Variants in LIMD1 observed in about 807,000 individuals in gnomAD.
LIMD1 encodes LIM domain-containing protein 1.
Under a neutral mutation model 58.4 loss-of-function variants are expected in LIMD1, and 23 were observed. The observed-to-expected ratio is 0.39, with a 90% CI of 0.28 to 0.56. The LOEUF is 0.56. LIMD1 is among the 20% of genes least tolerant of loss of function. The pLI, the probability that LIMD1 is intolerant of heterozygous loss-of-function variation, is 0.57. For missense variants in LIMD1, 838 were observed against 855.5 expected (o/e 0.98, Z 0.25); for synonymous variants, 334 against 345.5 (o/e 0.97, Z 0.37).
rs1162664231 is a variant in LIMD1 at position 45,680,698 on chromosome 3, A to G, written c.*3639A>G. The G allele has an allele frequency of 6.6e-6, 1 of 152,182 alleles. No homozygotes were observed. The highest frequency in any genetic ancestry group is 1.5e-5 in the Non-Finnish European group (1 of 68,048). 9.4% of individuals were successfully genotyped at this position (152,182 alleles called of 1,614,324 possible). On this transcript the variant is annotated 3_prime_UTR_variant, in exon 8 of 8. Transcript: ENST00000273317. Reference sequence around the variant, plus strand: ...TGAAGTAACTTTTAAAGGTAATAGAAAAGGCCAGGCACAGTGGCTCATGCC... The same window carrying G: ...TGAAGTAACTTTTAAAGGTAATAGAGAAGGCCAGGCACAGTGGCTCATGCC...
At position 45,678,976 on chromosome 3, in the gene LIMD1, A is replaced by C. The variant is rs542938997; in HGVS notation, c.*1917A>C. The C allele has an allele frequency of 6.6e-6, 1 of 152,248 alleles. No individual in the cohort carries two copies. The highest frequency in any genetic ancestry group is 2.4e-5 in the African/African-American group (1 of 41,520). 9.4% of individuals were successfully genotyped at this position (152,248 alleles called of 1,614,324 possible). ...GCTGGGGCTGGGGAAGTGAACCCTGAGGTGGGGACCCTCTCTTCCCATCAA... is the reference window on the plus strand; with the variant it reads ...GCTGGGGCTGGGGAAGTGAACCCTGCGGTGGGGACCCTCTCTTCCCATCAA... On this transcript the variant is annotated 3_prime_UTR_variant, in exon 8 of 8. Coordinates refer to ENST00000273317, the MANE Select transcript of LIMD1 (RefSeq NM_014240.3).
intron 1 of LIMD1, among the ~76,000 whole-genome samples, chr3:45,602,344 C>G (rs1038228987): frequency 6.6e-6 from 1 of 152,122 alleles, no homozygotes; most frequent in Non-Finnish European, 1.5e-5. Context: ...TAAAGCTAAC[C>G]AGGAGAGAGC....
intron 2 of LIMD1, among the ~76,000 whole-genome samples, chr3:45,654,871 A>G (rs1702012445): frequency 6.6e-6 from 1 of 151,414 alleles, no homozygotes; most frequent in African/African-American, 2.4e-5. Context: ...ATCTACAGGA[A>G]GTGTCTTTTT....
At chr3:45,635,732 C>CAAAA (rs71095045) in intron 1 of LIMD1, among the ~76,000 whole-genome samples, 2,113 of 73,530 alleles carry the variant, frequency 0.029, 127 homozygotes, top group Middle Eastern at 0.056. Flanking sequence ...ATCCCCGTCT[C>CAAAA]AAAAAAAAAA....
chr3:45,648,954 A>G (rs79860715), intron 2 of LIMD1, among the ~76,000 whole-genome samples: 4,610 of 152,172 alleles, frequency 0.03, 76 homozygotes, highest in Non-Finnish European at 0.041. Context: ...CGTTCTTTGT[A>G]TAGGATTTGG....
intron 1 of LIMD1, among the ~76,000 whole-genome samples, chr3:45,596,859 G>C (rs1360784053): frequency 7.0e-6 from 1 of 142,128 alleles, no homozygotes; most frequent in Non-Finnish European, 1.5e-5. Flanking sequence ...GTAGAGCAGT[G>C]GATCTTTTTT....
chr3:45,600,680 G>A (rs1701403216), intron 1 of LIMD1, among the ~76,000 whole-genome samples: 1 of 152,146 alleles, frequency 6.6e-6, no homozygotes, highest in South Asian at 2.1e-4. Context: ...GGGTGCAGAG[G>A]GCACCGTGCC....
At chr3:45,640,047 CT>C (rs1701826551) in intron 2 of LIMD1, among the ~76,000 whole-genome samples, 1 of 152,256 alleles carries the variant, frequency 6.6e-6, no homozygotes, top group African/African-American at 2.4e-5. Flanking sequence ...CCACCCAAGG[CT>C]GCTAGAGTGG....
chr3:45,632,686 C>A, intron 1 of LIMD1: 3 of 295,086 alleles, frequency 1.0e-5, no homozygotes, highest in South Asian at 1.3e-4. Context: ...ACTTGCAATT[C>A]ACTAGGAGAG....
At chr3:45,600,811 C>A (rs1035753223) in intron 1 of LIMD1, among the ~76,000 whole-genome samples, 4 of 152,170 alleles carry the variant, frequency 2.6e-5, no homozygotes, top group African/African-American at 9.7e-5. Flanking sequence ...CACCTGTGAT[C>A]CCAGCGACTC....
rs1165098997 is a variant in LIMD1 at position 45,684,235 on chromosome 3, G to A, written c.*7176G>A. ...GCAGCCTCAGGGACTGCCACCACTT[G>A]GTCACATACATGTCCCTCCAACTAA... On this transcript the variant is annotated 3_prime_UTR_variant, in exon 8 of 8. Transcript: ENST00000273317. 7.2e-5 allele frequency: 11 copies of A among 152,204 alleles called. No individual in the cohort carries two copies. The highest frequency in any genetic ancestry group is 2.7e-4 in the African/African-American group (11 of 41,442). 9.4% of individuals were successfully genotyped at this position (152,204 alleles called of 1,614,324 possible).
chr3:45,610,783 C>T (rs267210), intron 1 of LIMD1, among the ~76,000 whole-genome samples: 34,150 of 152,064 alleles, frequency 0.22, 4,095 homozygotes, highest in East Asian at 0.36. Context: ...AGACTGGCCA[C>T]GTGCAACTGT....
chr3:45,674,128 A>G (rs1697634263), intron 6 of LIMD1, among the ~76,000 whole-genome samples: 1 of 152,102 alleles, frequency 6.6e-6, no homozygotes, highest in African/African-American at 2.4e-5. Context: ...TAACTCTGAC[A>G]TTCTAGAAGG....
At position 45,685,647 on chromosome 3, in the gene LIMD1, T is replaced by C. The variant is rs1697800835; in HGVS notation, c.*8588T>C. 6.6e-6 allele frequency: 1 copy of C among 152,186 alleles called. No individual in the cohort carries two copies. Among genetic ancestry groups the C allele is most frequent in the Non-Finnish European group, 1.5e-5 (1 of 68,054 alleles). The allele number at this position is 152,186 out of a possible 1,614,324, so 9.4% of individuals were successfully genotyped here. A position where few individuals can be genotyped will look rare whatever the true frequency, so the allele number is the denominator to read the frequency against. ...AGGGAATTGTCCTTGAACCTACTCA[T>C]GCGGTGTCTTCTGGGGTACAGTGAG... On this transcript the variant is annotated 3_prime_UTR_variant, in exon 8 of 8. Coordinates refer to ENST00000273317, the MANE Select transcript of LIMD1 (RefSeq NM_014240.3).
intron 2 of LIMD1, among the ~76,000 whole-genome samples, chr3:45,648,002 C>G (rs1028873989): frequency 1.3e-5 from 2 of 151,824 alleles, no homozygotes; most frequent in African/African-American, 4.8e-5. Context: ...TCTTGGGTCC[C>G]ATGTGCACCC....
chr3:45,595,554 T>C lies in LIMD1; in HGVS notation c.675T>C (p.His225=), dbSNP rs1336564101. ...CACTGCCCAAACCCTGCGGGGACCA[T>C]CCCCTAAATCACCGACAGCTCTCCC... The part of the protein sequence containing the change: ...DPPLPKPCGD[H]PLNHRQLSLS... Residue 225 remains histidine (H), a synonymous_variant, in exon 1 of 8, where the codon CAT becomes CAC. Transcript: ENST00000273317. 1.9e-6 allele frequency: 3 copies of C among 1,613,862 alleles called. No homozygotes were observed. The highest frequency in any genetic ancestry group is 1.6e-4 in the Middle Eastern group (1 of 6,062).
intron 2 of LIMD1, among the ~76,000 whole-genome samples, chr3:45,649,623 G>T (rs1701943292): frequency 6.7e-6 from 1 of 149,222 alleles, no homozygotes; most frequent in Non-Finnish European, 1.5e-5. Context: ...AGAGCTTGCA[G>T]TGAGCCGAGA....
chr3:45,626,465 G>A (rs1413946419), intron 1 of LIMD1, among the ~76,000 whole-genome samples: 3 of 152,220 alleles, frequency 2.0e-5, no homozygotes, highest in Admixed American at 1.3e-4. Context: ...ATGTTAGTAA[G>A]TGAGAGAAGC....
At chr3:45,658,643 C>T (rs977944936) in intron 2 of LIMD1, among the ~76,000 whole-genome samples, 1 of 141,804 alleles carries the variant, frequency 7.1e-6, no homozygotes, top group Non-Finnish European at 1.5e-5. Flanking sequence ...ACAATCTCCA[C>T]TCCTTGGGTT....
Sources: allele counts gnomAD v4.1 joint callset (sites outside exome capture counted in the v4.1 genomes callset), GRCh38; gene constraint gnomAD v4.1.1; transcripts MANE v1.5; gene names NCBI Gene and HGNC (gene_info 2026-07-23, HGNC 2026-07-21).